The following PRAMEF15 variants were observed in gnomAD, a reference collection of about 807,000 sequenced individuals.
The protein encoded by PRAMEF15 is PRAME family member 15.
A neutral mutation model predicts 35.3 loss-of-function variants in PRAMEF15; 21 were observed. The observed-to-expected ratio is 0.59, with a 90% CI of 0.42 to 0.86. The LOEUF (loss-of-function observed/expected upper bound fraction) is 0.86. Ranked by LOEUF, PRAMEF15 falls within the 40% of genes least tolerant of loss-of-function variation. The pLI, the probability that PRAMEF15 is intolerant of heterozygous loss-of-function variation, is 0.00. For synonymous variants in PRAMEF15, 122 were observed against 223.3 expected, an observed-to-expected ratio of 0.55 and a Z score of 4.05; for missense variants, 360 against 574.1, an observed-to-expected ratio of 0.63 and a Z score of 3.81.
intron 1 of PRAMEF15, among the ~76,000 whole-genome samples, chr1:13,317,438 A>G (rs1220832020): frequency 2.0e-5 from 3 of 151,936 alleles, no homozygotes; most frequent in South Asian, 2.1e-4. Flanking sequence ...ATGATGCATA[A>G]CAGTGTCACA....
At chr1:13,319,193 CAAAAAA>C (rs375566005) in intron 2 of PRAMEF15, among the ~76,000 whole-genome samples, 173 bp from the exon 3 acceptor site, 3 of 77,208 alleles carry the variant, frequency 3.9e-5, no homozygotes, top group Admixed American at 1.6e-4. Flanking sequence ...GACTTGGTCT[CAAAAAA>C]AAAAAAAAAC....
intron 3 of PRAMEF15, among the ~76,000 whole-genome samples, chr1:13,321,178 ATGG>A (rs1640078814): frequency 6.7e-6 from 1 of 148,942 alleles, no homozygotes; most frequent in East Asian, 2.0e-4. Context: ...CCTATAAATG[ATGG>A]TGAAGTGACT....
At chr1:13,320,093 G>A in intron 3 of PRAMEF15, 140 bp downstream of exon 3, 1 of 1,556,122 alleles carries the variant, frequency 6.4e-7, no homozygotes, top group Admixed American at 1.7e-5. Flanking sequence ...TGTCCTGTTG[G>A]TGGCCCTGTC....
intron 1 of PRAMEF15, 52 bp from the exon 2 acceptor site, chr1:13,318,340 C>A (rs1640033259): frequency 1.1e-5 from 17 of 1,567,230 alleles, no homozygotes; most frequent in Admixed American, 3.5e-5. Context: ...GATGAGATTG[C>A]ATGGGCTTGG....
chr1:13,318,986 A>T (rs1640043449), intron 2 of PRAMEF15, among the ~76,000 whole-genome samples: 1 of 151,952 alleles, frequency 6.6e-6, no homozygotes, highest in African/African-American at 2.4e-5. Flanking sequence ...GCTGAGGTCA[A>T]GAGTTGGAGG....
chr1:13,317,988 G>A (rs1346229306), intron 1 of PRAMEF15, among the ~76,000 whole-genome samples: 18 of 152,084 alleles, frequency 1.2e-4, no homozygotes, highest in Non-Finnish European at 2.4e-4. Context: ...GATGCCCCAT[G>A]AATGTTCCCA....
chr1:13,316,018 G>C lies in PRAMEF15; in HGVS notation c.-17+360G>C, dbSNP rs1443374628. 1.3e-3 allele frequency among the ~76,000 whole-genome samples: 195 copies of C among 150,278 alleles called. 4 individuals carry two copies. Among genetic ancestry groups the C allele is most frequent in the African/African-American group, 4.4e-3 (178 of 40,580 alleles). On this transcript the variant is annotated intron_variant, in intron 1 of 3. Transcript: ENST00000376152. The stretch of plus-strand genomic sequence containing the variant: ...CTGCACAACGTTTTTTTTGGGGGTG[G>C]GGATGGAGTCTCACTGTGTTGCCCA...
chr1:13,318,088 T>C (rs1333239087), intron 1 of PRAMEF15, among the ~76,000 whole-genome samples: 16 of 151,978 alleles, frequency 1.1e-4, no homozygotes, highest in African/African-American at 3.9e-4. Context: ...TAATTAGTAA[T>C]TTCCCCCAAT....
chr1:13,320,497 C>G (rs1553166622), intron 3 of PRAMEF15, among the ~76,000 whole-genome samples: 2 of 151,936 alleles, frequency 1.3e-5, no homozygotes, highest in Non-Finnish European at 2.9e-5. Flanking sequence ...CATCTCAGCT[C>G]GCAGCGACTT....
At position 13,318,659 on chromosome 1, in the gene PRAMEF15, C is replaced by G. The variant is rs1168284840; in HGVS notation, c.252C>G (p.Leu84=). 1 of 1,613,868 alleles carries G rather than the reference C, an allele frequency of 6.2e-7. No individual in the cohort carries two copies. The highest frequency in any genetic ancestry group is 8.5e-7 in the Non-Finnish European group (1 of 1,180,018). The change falls in exon 2 of 4, where the codon CTC becomes CTG. Residue 84 remains leucine, a synonymous_variant. Coordinates refer to ENST00000376152, the MANE Select transcript of PRAMEF15 (RefSeq NM_001098376.3). ...MPCLEAFQAV[L]DGLDALLTQG... is the part of the protein sequence containing the mutation. ...GTCTGGAGGCCTTCCAAGCTGTGCT[C>G]GATGGGCTTGATGCACTGCTTACCC... is the stretch of plus-strand genomic sequence containing the variant.
At chr1:13,321,041 G>T (rs1394124682) in intron 3 of PRAMEF15, among the ~76,000 whole-genome samples, 1 of 152,098 alleles carries the variant, frequency 6.6e-6, no homozygotes, top group Non-Finnish European at 1.5e-5. Context: ...AGCTGATGTT[G>T]CAGGATCCTG....
rs1374439951 is a variant in PRAMEF15 at position 13,322,014 on chromosome 1, C to T, written c.1187C>T (p.Thr396Ile). 6 of 1,609,656 alleles carry T rather than the reference C, an allele frequency of 3.7e-6. 1 individual carries two copies. In the African/African-American group the frequency reaches 6.7e-5, roughly 18 times the overall value. Residue 396 changes from threonine (T) to isoleucine (I), a missense_variant, in exon 4 of 4, where the codon ACC becomes ATC. Around this residue, in one of 8 missense-constraint regions of PRAMEF15, gnomAD observed 147 missense variants for 123.5 expected, o/e 1.19. Transcript: ENST00000376152. ...SFCGNPICMA[T>I]LENLLSHTII... The stretch of plus-strand genomic sequence containing the variant: ...TGTGGAAATCCCATCTGCATGGCCA[C>T]CCTGGAGAACCTGCTGAGCCACACA...
rs1488376110 is a variant in PRAMEF15 at position 13,319,407 on chromosome 1, T to C, written c.329T>C (p.Val110Ala). 9 of 1,611,978 alleles carry C rather than the reference T, an allele frequency of 5.6e-6. No individual in the cohort carries two copies. In the African/African-American group the frequency reaches 8.0e-5, roughly 14 times the overall value. The change falls in exon 3 of 4, where the codon GTC becomes GCC. Residue 110 changes from valine to alanine, a missense_variant. Val to Ala is a moderately conservative substitution (Grantham distance 64). Around this residue, in one of 8 missense-constraint regions of PRAMEF15, gnomAD observed 44 missense variants for 25.9 expected, o/e 1.70. Coordinates refer to ENST00000376152, the MANE Select transcript of PRAMEF15 (RefSeq NM_001098376.3). ...CTCCAAGTGCTGGATTTACAGGATG[T>C]CTGTGAGAACTTCTGGATGGTTTGG... is the stretch of plus-strand genomic sequence containing the variant. Reference protein sequence around the residue: ...WKLQVLDLQDVCENFWMVWSE... With the variant: ...WKLQVLDLQDACENFWMVWSE...
intron 1 of PRAMEF15, among the ~76,000 whole-genome samples, chr1:13,316,831 T>G (rs1292984706): frequency 1.3e-5 from 2 of 151,468 alleles, no homozygotes; most frequent in Admixed American, 6.6e-5. Flanking sequence ...GTTTTCTTTC[T>G]TTCTGTCTAA....
intron 3 of PRAMEF15, among the ~76,000 whole-genome samples, chr1:13,321,041 G>A (rs1394124682): frequency 6.6e-6 from 1 of 151,982 alleles, no homozygotes; most frequent in Non-Finnish European, 1.5e-5. Flanking sequence ...AGCTGATGTT[G>A]CAGGATCCTG....
intron 3 of PRAMEF15, among the ~76,000 whole-genome samples, chr1:13,321,332 A>C (rs1640080834): frequency 6.7e-6 from 1 of 150,268 alleles, no homozygotes; most frequent in African/African-American, 2.5e-5. Context: ...CTTCTGCCTC[A>C]GCTTCCCAAG....
At chr1:13,321,074 G>C (rs2100325276) in intron 3 of PRAMEF15, among the ~76,000 whole-genome samples, 1 of 152,046 alleles carries the variant, frequency 6.6e-6, no homozygotes, top group East Asian at 1.9e-4. Flanking sequence ...CTTTATGCCT[G>C]AATCTCCACT....
rs1412775365 is a variant in PRAMEF15, at chr1:13,321,570, T to C, written c.876-133T>C. On this transcript the variant is annotated intron_variant, in intron 3 of 3. Transcript: ENST00000376152. ...CTTCATCACGCATCATCCTAAGTGTTGACCATCAGGCCATCAGAATGACCC... is the reference window on the plus strand; with the variant it reads ...CTTCATCACGCATCATCCTAAGTGTCGACCATCAGGCCATCAGAATGACCC... 9.8e-6 allele frequency: 14 copies of C among 1,430,214 alleles called. No individual in the cohort carries two copies. The African/African-American group carries it at 1.3e-4, about 13-fold the overall frequency. 88.6% of individuals were successfully genotyped at this position (1,430,214 alleles called of 1,614,324 possible). A position where few individuals can be genotyped will look rare whatever the true frequency, so the allele number is the denominator to read the frequency against.
chr1:13,319,616 C>G lies in PRAMEF15; in HGVS notation c.538C>G (p.Leu180Val). The G allele has an allele frequency of 6.2e-7, 1 of 1,612,958 alleles. No individual in the cohort carries two copies. The highest frequency in any genetic ancestry group is 8.5e-7 in the Non-Finnish European group (1 of 1,179,624). The change falls in exon 3 of 4, where the codon CTA becomes GTA. Residue 180 changes from leucine to valine, a missense_variant. By Grantham distance (32) the Leu-to-Val change is conservative. Around this residue, in one of 8 missense-constraint regions of PRAMEF15, gnomAD observed 36 missense variants for 164.8 expected, o/e 0.22. Transcript: ENST00000376152. ...LLWVKQRKDL[L>V]HLCCKKLKIL... is the part of the protein sequence containing the mutation. ...ATGGGTCAAGCAGAGGAAAGATTTA[C>G]TACACCTGTGCTGTAAGAAGCTGAA...
Sources: gnomAD v4.1 joint callset for allele counts (sites outside exome capture counted in the v4.1 genomes callset) on GRCh38, gnomAD v4.1.1 for gene constraint, gnomAD v4.1.1 regional missense constraint, MANE v1.5 for transcripts, NCBI Gene and HGNC (gene_info 2026-07-23, HGNC 2026-07-21) for gene names.